HOXD1: variants seen among roughly 807,000 people sequenced by gnomAD.
HOXD1 encodes homeobox protein Hox-D1.
A neutral mutation model predicts 19.9 loss-of-function variants in HOXD1; 17 were observed. The ratio of observed to expected loss-of-function variants is 0.85; its 90% confidence interval spans 0.58 to 1.28. The LOEUF (loss-of-function observed/expected upper bound fraction) is 1.28. Ranked by LOEUF, HOXD1 falls within the 50% of genes most tolerant of loss-of-function variation. HOXD1 has a pLI of 0.00. For synonymous variants in HOXD1, 239 were observed against 216.0 expected (o/e 1.11, Z -0.93); for missense variants, 500 against 460.1 (o/e 1.09, Z -0.79).
Position 176,188,755 on chromosome 2 carries a change from C to T in HOXD1, c.-47C>T. 1 of 1,581,524 alleles carries T rather than the reference C, an allele frequency of 6.3e-7. No individual in the cohort carries two copies. Among genetic ancestry groups the T allele is most frequent in the Non-Finnish European group, 8.6e-7 (1 of 1,162,710 alleles). Reference sequence around the variant, plus strand: ...GTCCTGCTCAGCCTCTGCCCGGCTCCGTACTCCGGCCCCGGCCTGCGCCCT... The same window carrying T: ...GTCCTGCTCAGCCTCTGCCCGGCTCTGTACTCCGGCCCCGGCCTGCGCCCT... On this transcript the variant is annotated 5_prime_UTR_variant, in exon 1 of 2. Coordinates refer to ENST00000331462, the MANE Select transcript of HOXD1 (RefSeq NM_024501.3).
chr2:176,190,244 C>T lies in HOXD1; in HGVS notation c.*102C>T. Reference sequence around the variant, plus strand: ...TCAGTTTGGGATGGAGGTGGGAGAACAAAAATGAATAGGGATTTCACTTGG... The same window carrying T: ...TCAGTTTGGGATGGAGGTGGGAGAATAAAAATGAATAGGGATTTCACTTGG... On this transcript the variant is annotated 3_prime_UTR_variant, in exon 2 of 2. Transcript: ENST00000331462. 1.3e-6 allele frequency: 1 copy of T among 746,728 alleles called. No individual in the cohort carries two copies. Among genetic ancestry groups the T allele is most frequent in the Non-Finnish European group, 2.2e-6 (1 of 445,478 alleles). The allele number at this position is 746,728 out of a possible 1,614,324, so 46.3% of individuals were successfully genotyped here.
chr2:176,190,442 C>A lies in HOXD1; in HGVS notation c.*300C>A. The A allele has an allele frequency of 2.6e-6, 1 of 386,536 alleles. No individual in the cohort carries two copies. 23.9% of individuals were successfully genotyped at this position (386,536 alleles called of 1,614,324 possible). A position where few individuals can be genotyped will look rare whatever the true frequency, so the allele number is the denominator to read the frequency against. Reference sequence around the variant, plus strand: ...GCCTCACTTAGTCATGTGCAATTCGCGTTGCAGAGTGGCAGACCATTAGTT... The same window carrying A: ...GCCTCACTTAGTCATGTGCAATTCGAGTTGCAGAGTGGCAGACCATTAGTT... On this transcript the variant is annotated 3_prime_UTR_variant, in exon 2 of 2. Transcript: ENST00000331462.
At chr2:176,189,678 C>G in intron 1 of HOXD1, 130 bp from the exon 2 acceptor site, 2 of 1,599,458 alleles carry the variant, frequency 1.3e-6, no homozygotes, top group Non-Finnish European at 1.7e-6. Context: ...TGGAACTTCT[C>G]CTGGTACAAA....
chr2:176,188,692 G>C lies in HOXD1; in HGVS notation c.-110G>C, dbSNP rs778439203. The C allele has an allele frequency of 4.4e-6, 5 of 1,145,986 alleles. No individual in the cohort carries two copies. The highest frequency in any genetic ancestry group is 2.5e-6 in the Non-Finnish European group (2 of 786,690). The allele number at this position is 1,145,986 out of a possible 1,614,324, so 71.0% of individuals were successfully genotyped here. Reference sequence around the variant, plus strand: ...CGCCATGGGTTGGAGAGGGCAGCTCGGGTAGAGAGGGCTGGCGGAGCGGCG... The same window carrying C: ...CGCCATGGGTTGGAGAGGGCAGCTCCGGTAGAGAGGGCTGGCGGAGCGGCG... On this transcript the variant is annotated 5_prime_UTR_variant, in exon 1 of 2. Coordinates refer to ENST00000331462, the MANE Select transcript of HOXD1 (RefSeq NM_024501.3).
At position 176,189,220 on chromosome 2, in the gene HOXD1, TCTC is replaced by T. The variant is rs1388311509; in HGVS notation, c.420_422del (p.Phe140_Ser141delinsLeu). The T allele has an allele frequency of 1.3e-6, 2 of 1,588,978 alleles. No individual in the cohort carries two copies. Among genetic ancestry groups the T allele is most frequent in the East Asian group, 4.6e-5 (2 of 43,330 alleles). On this transcript the variant is annotated inframe_deletion, in exon 1 of 2. Coordinates refer to ENST00000331462, the MANE Select transcript of HOXD1 (RefSeq NM_024501.3). ...GTCCACTACGCCACCTCGGCCGTCT[TCTC>T]GGGCGGCGGCTCTTTCCTCCTCAGC... is the stretch of plus-strand genomic sequence containing the variant.
At position 176,189,448 on chromosome 2, in the gene HOXD1, A is replaced by C; in HGVS notation, c.647A>C (p.Lys216Thr). Reference sequence around the variant, plus strand: ...ATGAAAGTGAAGAGGAATGCCTCTAAGAAAGGTAAGTCCGCGGGCCTTGGA... The same window carrying C: ...ATGAAAGTGAAGAGGAATGCCTCTACGAAAGGTAAGTCCGCGGGCCTTGGA... ...EWMKVKRNAS[K>T]KGKLAEYGAA... The change falls in exon 1 of 2, where the codon AAG becomes ACG. Residue 216 changes from lysine to threonine, a missense_variant. Coordinates refer to ENST00000331462, the MANE Select transcript of HOXD1 (RefSeq NM_024501.3). The C allele has an allele frequency of 6.2e-7, 1 of 1,611,992 alleles. No individual in the cohort carries two copies. The highest frequency in any genetic ancestry group is 8.5e-7 in the Non-Finnish European group (1 of 1,179,216).
In HOXD1 at chr2:176,190,257, G is replaced by A; in HGVS notation, c.*115G>A. 4.4e-6 allele frequency: 3 copies of A among 680,512 alleles called. No individual in the cohort carries two copies. The highest frequency in any genetic ancestry group is 7.7e-6 in the Non-Finnish European group (3 of 391,418). 42.2% of individuals were successfully genotyped at this position (680,512 alleles called of 1,614,324 possible). ...GAGGTGGGAGAACAAAAATGAATAGGGATTTCACTTGGGAAATGAAGTACT... is the reference window on the plus strand; with the variant it reads ...GAGGTGGGAGAACAAAAATGAATAGAGATTTCACTTGGGAAATGAAGTACT... On this transcript the variant is annotated 3_prime_UTR_variant, in exon 2 of 2. Coordinates refer to ENST00000331462, the MANE Select transcript of HOXD1 (RefSeq NM_024501.3).
chr2:176,190,366 C>T lies in HOXD1; in HGVS notation c.*224C>T, dbSNP rs1691770564. 1.9e-6 allele frequency: 1 copy of T among 533,668 alleles called. No individual in the cohort carries two copies. Among genetic ancestry groups the T allele is most frequent in the Non-Finnish European group, 3.3e-6 (1 of 304,548 alleles). The allele number at this position is 533,668 out of a possible 1,614,324, so 33.1% of individuals were successfully genotyped here. On this transcript the variant is annotated 3_prime_UTR_variant, in exon 2 of 2. Coordinates refer to ENST00000331462, the MANE Select transcript of HOXD1 (RefSeq NM_024501.3). The stretch of plus-strand genomic sequence containing the variant: ...CCACTTGTTTGGTTATGATTTGTGT[C>T]TTATCAGGGAAAAGGTGCCCAGCTG...
Position 176,189,239 on chromosome 2 carries a change from C to A in HOXD1, c.438C>A (p.Phe146Leu). 1 of 1,595,676 alleles carries A rather than the reference C, an allele frequency of 6.3e-7. No homozygotes were observed. Among genetic ancestry groups the A allele is most frequent in the Non-Finnish European group, 8.5e-7 (1 of 1,172,110 alleles). The change falls in exon 1 of 2, where the codon TTC becomes TTA. Residue 146 changes from phenylalanine (F) to leucine (L), a missense_variant. Physicochemically the swap from Phe to Leu is conservative, Grantham distance 22. Transcript: ENST00000331462. ...CCGTCTTCTCGGGCGGCGGCTCTTT[C>A]CTCCTCAGCGGCCAGGTGGATTACG... is the stretch of plus-strand genomic sequence containing the variant. ...TSAVFSGGGS[F>L]LLSGQVDYAA...
Position 176,188,843 on chromosome 2 carries a change from CG to C in HOXD1, c.46del (p.Val16SerfsTer193). On this transcript the variant is annotated frameshift_variant, in exon 1 of 2. Transcript: ENST00000331462. LOFTEE classifies it high-confidence loss of function. ...AGTACGTGTCATGCAGCAGCAGCGG[CG>C]GGGTCGGCGGCGACGTGCTCAGCTT... Reference protein sequence around the residue: ...LEYVSCSSSGGVGGDVLSLAP... With the variant: ...LEYVSCSSSGXVGGDVLSLAP... 1 of 1,606,168 alleles carries C rather than the reference CG, an allele frequency of 6.2e-7. No homozygotes were observed. Among genetic ancestry groups the C allele is most frequent in the Non-Finnish European group, 8.5e-7 (1 of 1,177,646 alleles).
At position 176,190,010 on chromosome 2, in the gene HOXD1, G is replaced by A. The variant is rs1481710890; in HGVS notation, c.855G>A (p.Lys285=). ...TCCAGAACCGCAGGATGAAACAGAA[G>A]AAAAGGGAACGAGAAGGGCTTCTGG... The part of the protein sequence containing the change: ...IWFQNRRMKQ[K]KREREGLLAT... The change falls in exon 2 of 2, where the codon AAG becomes AAA. Residue 285 remains lysine, a synonymous_variant. Transcript: ENST00000331462. The A allele has an allele frequency of 2.5e-6, 4 of 1,613,992 alleles. No homozygotes were observed. The African/African-American group carries it at 5.3e-5, about 22-fold the overall frequency.
Position 176,188,959 on chromosome 2 carries a change from G to C in HOXD1, c.158G>C (p.Cys53Ser), listed in dbSNP as rs1691727505. The C allele has an allele frequency of 3.3e-6, 5 of 1,518,222 alleles. No homozygotes were observed. The highest frequency in any genetic ancestry group is 1.4e-5 in the African/African-American group (1 of 69,958). The allele number at this position is 1,518,222 out of a possible 1,614,324, so 94.0% of individuals were successfully genotyped here. The change falls in exon 1 of 2, where the codon TGT becomes TCT. Residue 53 changes from cysteine (C) to serine (S), a missense_variant. By Grantham distance (112) the Cys-to-Ser change is moderately radical. Coordinates refer to ENST00000331462, the MANE Select transcript of HOXD1 (RefSeq NM_024501.3). ...AACGGCGACGGCGCCTTCGTCAGCT[G>C]TCTGCCCCTGGCCGCCGCCCGACCC... ...LGNGDGAFVS[C>S]LPLAAARPSP...
intron 1 of HOXD1, 95 bp from the exon 2 acceptor site, chr2:176,189,713 G>T: frequency 6.2e-7 from 1 of 1,612,132 alleles, no homozygotes; most frequent in Non-Finnish European, 8.5e-7. Context: ...ACCCAGGAGG[G>T]CTGCGCTGGG....
intron 1 of HOXD1, 169 bp from the exon 2 acceptor site, chr2:176,189,639 T>C (rs1245521272): frequency 1.3e-6 from 2 of 1,567,374 alleles, no homozygotes; most frequent in South Asian, 2.3e-5. Context: ...GTGCCAGGCA[T>C]TGAGAAAATT....
Position 176,188,876 on chromosome 2 carries a change from C to G in HOXD1, c.75C>G (p.Pro25=). The change falls in exon 1 of 2, where the codon CCC becomes CCG. Residue 25 remains proline (P), a synonymous_variant. Transcript: ENST00000331462. The part of the protein sequence containing the change: ...GVGGDVLSLA[P]KFCRSDARPV... ...GCGGCGACGTGCTCAGCTTGGCACC[C>G]AAGTTCTGCCGCTCCGACGCCCGGC... 3 of 1,600,154 alleles carry G rather than the reference C, an allele frequency of 1.9e-6. No individual in the cohort carries two copies. Among genetic ancestry groups the G allele is most frequent in the Non-Finnish European group, 1.7e-6 (2 of 1,176,262 alleles).
rs1691721387 is a variant in HOXD1, at chr2:176,188,810, C to T, written c.9C>T (p.Ser3=). The T allele has an allele frequency of 1.2e-6, 2 of 1,608,758 alleles. No individual in the cohort carries two copies. The highest frequency in any genetic ancestry group is 8.5e-7 in the Non-Finnish European group (1 of 1,178,184). Residue 3 remains serine, a synonymous_variant, in exon 1 of 2, where the codon TCC becomes TCT. Coordinates refer to ENST00000331462, the MANE Select transcript of HOXD1 (RefSeq NM_024501.3). Reference sequence around the variant, plus strand: ...AAGGTGGGGCCCGAACCATGAGCTCCTACCTGGAGTACGTGTCATGCAGCA... The same window carrying T: ...AAGGTGGGGCCCGAACCATGAGCTCTTACCTGGAGTACGTGTCATGCAGCA... MS[S]YLEYVSCSSS... is the part of the protein sequence containing the mutation.
At position 176,188,752 on chromosome 2, in the gene HOXD1, C is replaced by T. The variant is rs1226975942; in HGVS notation, c.-50C>T. The T allele has an allele frequency of 1.9e-6, 3 of 1,570,828 alleles. No individual in the cohort carries two copies. Among genetic ancestry groups the T allele is most frequent in the Admixed American group, 1.8e-5 (1 of 56,472 alleles). ...GCAGTCCTGCTCAGCCTCTGCCCGG[C>T]TCCGTACTCCGGCCCCGGCCTGCGC... is the stretch of plus-strand genomic sequence containing the variant. On this transcript the variant is annotated 5_prime_UTR_variant, in exon 1 of 2. Transcript: ENST00000331462.
rs1442736679 is a variant in HOXD1 at position 176,189,846 on chromosome 2, G to A, written c.691G>A (p.Ala231Thr). 3 of 1,614,130 alleles carry A rather than the reference G, an allele frequency of 1.9e-6. No individual in the cohort carries two copies. The South Asian group carries it at 3.3e-5, about 18-fold the overall frequency. Reference sequence around the variant, plus strand: ...GTATGGGGCCGCTAGCCCCTCCAGCGCGATCCGCACGAATTTCAGCACCAA... The same window carrying A: ...GTATGGGGCCGCTAGCCCCTCCAGCACGATCCGCACGAATTTCAGCACCAA... ...AEYGAASPSS[A>T]IRTNFSTKQL... is the part of the protein sequence containing the mutation. The change falls in exon 2 of 2, where the codon GCG becomes ACG. Residue 231 changes from alanine (A) to threonine (T), a missense_variant. Coordinates refer to ENST00000331462, the MANE Select transcript of HOXD1 (RefSeq NM_024501.3).
rs772932869 is a variant in HOXD1 at position 176,188,950 on chromosome 2, T to C, written c.149T>C (p.Phe50Ser). ...AFPLGNGDGA[F>S]VSCLPLAAAR... Reference sequence around the variant, plus strand: ...CCTCTGGGCAACGGCGACGGCGCCTTCGTCAGCTGTCTGCCCCTGGCCGCC... The same window carrying C: ...CCTCTGGGCAACGGCGACGGCGCCTCCGTCAGCTGTCTGCCCCTGGCCGCC... The change falls in exon 1 of 2, where the codon TTC becomes TCC. Residue 50 changes from phenylalanine to serine, a missense_variant. By Grantham distance (155) the Phe-to-Ser change is radical. Coordinates refer to ENST00000331462, the MANE Select transcript of HOXD1 (RefSeq NM_024501.3). 6.5e-7 allele frequency: 1 copy of C among 1,538,286 alleles called. No homozygotes were observed. Among genetic ancestry groups the C allele is most frequent in the Admixed American group, 1.9e-5 (1 of 51,816 alleles).
Sources: allele counts gnomAD v4.1 joint callset, GRCh38; gene constraint gnomAD v4.1.1; transcripts MANE v1.5; gene names NCBI Gene and HGNC (gene_info 2026-07-23, HGNC 2026-07-21).